The following TMEM68 variants were observed in gnomAD, a reference collection of about 807,000 sequenced individuals.
TMEM68 encodes transmembrane protein 68.
TMEM68 carries 25 observed loss-of-function variants against 36.9 expected under a neutral mutation model. The ratio of observed to expected loss-of-function variants is 0.68; its 90% CI spans 0.49 to 0.95. TMEM68 has a LOEUF of 0.95. TMEM68 is among the 40% of genes least tolerant of loss of function. The pLI is 0.00. For synonymous variants in TMEM68, 131 were observed against 124.4 expected (o/e 1.05, Z -0.35); for missense variants, 333 against 392.0 (o/e 0.85, Z 1.27).
rs1810231315 is a variant in TMEM68, at chr8:55,745,107, C to T, written c.702G>A (p.Met234Ile). ...ATCCTTCTCGAATATTTTGTGTAAA[C>T]ATAGGAATAATGGGCTAAAGAAAAG... Reference protein sequence around the residue: ...AIDAKVPIIPMFTQNIREGFR... With the variant: ...AIDAKVPIIPIFTQNIREGFR... Residue 234 changes from methionine (M) to isoleucine (I), a missense_variant, in exon 6 of 8, where the codon ATG becomes ATA. Transcript: ENST00000434581. 2 of 1,494,088 alleles carry T rather than the reference C, an allele frequency of 1.3e-6. No individual in the cohort carries two copies. Among genetic ancestry groups the T allele is most frequent in the Non-Finnish European group, 8.9e-7 (1 of 1,125,122 alleles). The allele number at this position is 1,494,088 out of a possible 1,614,324, so 92.6% of individuals were successfully genotyped here. A position where few individuals can be genotyped will look rare whatever the true frequency, so the allele number is the denominator to read the frequency against.
intron 3 of TMEM68, among the ~76,000 whole-genome samples, chr8:55,757,816 A>C (rs187713320): frequency 2.0e-5 from 3 of 152,216 alleles, no homozygotes; most frequent in Admixed American, 2.0e-4. Context: ...CATAAAGCAG[A>C]TATCTACCAC....
chr8:55,772,371 T>C (rs1811203626), intron 1 of TMEM68, among the ~76,000 whole-genome samples: 1 of 152,202 alleles, frequency 6.6e-6, no homozygotes, highest in East Asian at 1.9e-4. Flanking sequence ...TCTGAGCTTG[T>C]CTCTGAAGAA....
intron 1 of TMEM68, among the ~76,000 whole-genome samples, chr8:55,769,875 C>T (rs187060729): frequency 3.3e-5 from 5 of 152,276 alleles, no homozygotes; most frequent in African/African-American, 1.2e-4. Flanking sequence ...TCAAGTGATC[C>T]GCCCGCCTCC....
At chr8:55,754,884 T>C (rs954763549) in intron 4 of TMEM68, among the ~76,000 whole-genome samples, 2 of 136,334 alleles carry the variant, frequency 1.5e-5, no homozygotes, top group African/African-American at 2.7e-5. Flanking sequence ...TATATATTTA[T>C]ATTATATATA....
At chr8:55,743,167 C>T (rs1810156755) in intron 7 of TMEM68, among the ~76,000 whole-genome samples, 1 of 152,074 alleles carries the variant, frequency 6.6e-6, no homozygotes, top group Non-Finnish European at 1.5e-5. Context: ...TGACTTTCTC[C>T]CAAACTCCAG....
rs149575802 is a variant in TMEM68 at position 55,771,750 on chromosome 8, T to A, written c.-115+1519A>T. Reference sequence around the variant, plus strand: ...AATGCCAATTAAAAGATATAGTCACTGAAAAACAAGTTTTCCTGTTTCCTT... The same window carrying A: ...AATGCCAATTAAAAGATATAGTCACAGAAAAACAAGTTTTCCTGTTTCCTT... On this transcript the variant is annotated intron_variant, in intron 1 of 7. Coordinates refer to ENST00000434581, the MANE Select transcript of TMEM68 (RefSeq NM_001286657.2). 5.9e-5 allele frequency among the ~76,000 whole-genome samples: 9 copies of A among 152,336 alleles called. No homozygotes were observed. The East Asian group carries it at 1.7e-3, about 29-fold the overall frequency.
At chr8:55,749,471 A>G (rs1321701035) in intron 5 of TMEM68, among the ~76,000 whole-genome samples, 7 of 152,168 alleles carry the variant, frequency 4.6e-5, no homozygotes, top group Non-Finnish European at 8.8e-5. Context: ...CTATACATAT[A>G]TACACATATA....
chr8:55,771,203 G>A (rs1310897230), intron 1 of TMEM68, among the ~76,000 whole-genome samples: 1 of 151,562 alleles, frequency 6.6e-6, no homozygotes, highest in Non-Finnish European at 1.5e-5. Flanking sequence ...TATTGACATT[G>A]ATGGTGAGGA....
intron 2 of TMEM68, chr8:55,763,716 A>ATATGTTTT (rs1810877498): frequency 1.5e-4 from 6 of 41,214 alleles, no homozygotes; most frequent in South Asian, 7.5e-4. Flanking sequence ...ACAAAAGAAA[A>ATATGTTTT]CATCAATATC....
At position 55,739,948 on chromosome 8, in the gene TMEM68, A is replaced by G; in HGVS notation, c.*184T>C. On this transcript the variant is annotated 3_prime_UTR_variant, in exon 8 of 8. Coordinates refer to ENST00000434581, the MANE Select transcript of TMEM68 (RefSeq NM_001286657.2). Reference sequence around the variant, plus strand: ...ATTACTAGGTGTGTAATTTGTTAGTATTTGACACAATTGCAAAAACAAAAT... The same window carrying G: ...ATTACTAGGTGTGTAATTTGTTAGTGTTTGACACAATTGCAAAAACAAAAT... The G allele has an allele frequency of 1.9e-6, 1 of 526,526 alleles. No homozygotes were observed. The highest frequency in any genetic ancestry group is 3.1e-5 in the East Asian group (1 of 31,788). The allele number at this position is 526,526 out of a possible 1,614,324, so 32.6% of individuals were successfully genotyped here. A position where few individuals can be genotyped will look rare whatever the true frequency, so the allele number is the denominator to read the frequency against.
chr8:55,766,666 G>A (rs1270146789), intron 1 of TMEM68, among the ~76,000 whole-genome samples: 4 of 152,058 alleles, frequency 2.6e-5, no homozygotes, highest in East Asian at 1.9e-4. Context: ...ATGAGCCACC[G>A]TGCCCGGCCT....
rs78761483 is a variant in TMEM68 at position 55,744,093 on chromosome 8, T to A, written c.749-473A>T. Among the ~76,000 whole-genome samples the A allele has an allele frequency of 9.5e-3, 1,434 of 151,722 alleles. 26 individuals are homozygous for A. The highest frequency in any genetic ancestry group is 0.033 in the African/African-American group (1,373 of 41,384). On this transcript the variant is annotated intron_variant, in intron 6 of 7. Coordinates refer to ENST00000434581, the MANE Select transcript of TMEM68 (RefSeq NM_001286657.2). ...TATAGAGTCTCACAAATAAGTAACTTAGATAAATAAAAGACCAAAAAAAGG... is the reference window on the plus strand; with the variant it reads ...TATAGAGTCTCACAAATAAGTAACTAAGATAAATAAAAGACCAAAAAAAGG...
chr8:55,751,224 C>A, intron 4 of TMEM68, 67 bp from the exon 5 acceptor site: 1 of 1,368,172 alleles, frequency 7.3e-7, no homozygotes, highest in Non-Finnish European at 1.0e-6. Flanking sequence ...AAAGAAAAAT[C>A]TTCACAAACT....
intron 4 of TMEM68, among the ~76,000 whole-genome samples, chr8:55,754,801 A>T (rs866672710): frequency 9.3e-5 from 4 of 43,176 alleles, no homozygotes; most frequent in Non-Finnish European, 1.5e-4. Context: ...ATACATATAT[A>T]ATATATATTT....
Position 55,762,639 on chromosome 8 carries a change from C to G in TMEM68, c.321G>C (p.Trp107Cys). 6.2e-7 allele frequency: 1 copy of G among 1,614,194 alleles called. No homozygotes were observed. The highest frequency in any genetic ancestry group is 1.3e-5 in the African/African-American group (1 of 75,048). ...GGTGAAAGTATCCTTGCTTACCATG[C>G]CAAACGGCTGCATGTCCATCCCACA... The part of the protein sequence containing the change: ...ATLWDGHAAV[W>C]HGYEVHGMEK... Residue 107 changes from tryptophan to cysteine, a missense_variant, in exon 3 of 8, where the codon TGG (tryptophan) becomes TGC (cysteine). Physicochemically the swap from Trp to Cys is radical, Grantham distance 215. Coordinates refer to ENST00000434581, the MANE Select transcript of TMEM68 (RefSeq NM_001286657.2).
chr8:55,739,984 A>T lies in TMEM68; in HGVS notation c.*148T>A. On this transcript the variant is annotated 3_prime_UTR_variant, in exon 8 of 8. Transcript: ENST00000434581. ...TTGCAAAAACAAAATTGACTATTTT[A>T]AAGAAACGAATTCTGTGAAAGATGC... The T allele has an allele frequency of 1.7e-6, 1 of 593,600 alleles. No individual in the cohort carries two copies. 36.8% of individuals were successfully genotyped at this position (593,600 alleles called of 1,614,324 possible).
At chr8:55,770,932 G>T (rs1811135252) in intron 1 of TMEM68, among the ~76,000 whole-genome samples, 1 of 152,078 alleles carries the variant, frequency 6.6e-6, no homozygotes, top group African/African-American at 2.4e-5. Flanking sequence ...GCGGCAGGAG[G>T]ATCACCTGAG....
intron 4 of TMEM68, among the ~76,000 whole-genome samples, chr8:55,755,570 C>A (rs1229904192): frequency 1.4e-5 from 2 of 144,522 alleles, no homozygotes; most frequent in African/African-American, 2.6e-5. Flanking sequence ...CTGTGCCCAG[C>A]CAAGACAAAA....
intron 4 of TMEM68, among the ~76,000 whole-genome samples, chr8:55,754,639 AAT>A (rs1180715840): frequency 6.1e-5 from 8 of 131,992 alleles, no homozygotes; most frequent in African/African-American, 1.1e-4. Flanking sequence ...TACATTATAT[AAT>A]ATATATTTAT....
Sources: allele counts gnomAD v4.1 joint callset (sites outside exome capture counted in the v4.1 genomes callset), GRCh38; gene constraint gnomAD v4.1.1; transcripts MANE v1.5; gene names NCBI Gene and HGNC (gene_info 2026-07-23, HGNC 2026-07-21).